NRG3: variants seen among roughly 807,000 people sequenced by gnomAD.
NRG3 encodes pro-neuregulin-3, membrane-bound isoform.
Under a neutral mutation model 66.9 loss-of-function variants are expected in NRG3, and 31 were observed. That is an observed-to-expected ratio of 0.46 (90% CI 0.35 to 0.63). The LOEUF is 0.63. Ranked by LOEUF, NRG3 falls within the 20% of genes least tolerant of loss-of-function variation. The pLI, the probability that NRG3 is intolerant of heterozygous loss-of-function variation, is 0.00. For missense variants in NRG3, 910 were observed against 878.9 expected (o/e 1.04, Z -0.45); for synonymous variants, 393 against 359.4 (o/e 1.09, Z -1.06).
At chr10:82,301,922 G>T (rs2080427276) in intron 1 of NRG3, among the ~76,000 whole-genome samples, 1 of 151,430 alleles carries the variant, frequency 6.6e-6, no homozygotes, top group Non-Finnish European at 1.5e-5. Flanking sequence ...CAAATGGCTT[G>T]GTTCTGTTTA....
intron 2 of NRG3, among the ~76,000 whole-genome samples, chr10:82,441,853 C>T (rs1177987842): frequency 1.3e-5 from 2 of 152,172 alleles, no homozygotes; most frequent in Non-Finnish European, 2.9e-5. Flanking sequence ...TCTTACTAAA[C>T]GTTGAGGATA....
chr10:82,644,880 C>G (rs2050830925), intron 2 of NRG3, among the ~76,000 whole-genome samples: 2 of 152,140 alleles, frequency 1.3e-5, no homozygotes, highest in African/African-American at 4.8e-5. Flanking sequence ...CAGGATGAAG[C>G]CATGGGTTCA....
At chr10:82,279,769 A>G (rs2079038834) in intron 1 of NRG3, among the ~76,000 whole-genome samples, 2 of 152,216 alleles carry the variant, frequency 1.3e-5, no homozygotes, top group African/African-American at 4.8e-5. Flanking sequence ...TTGATGAATT[A>G]TAATTAACCT....
intron 1 of NRG3, among the ~76,000 whole-genome samples, chr10:82,160,617 G>C (rs1419570934): frequency 6.6e-6 from 1 of 151,814 alleles, no homozygotes; most frequent in East Asian, 1.9e-4. Flanking sequence ...ACCCAAGCAA[G>C]AAGAAGAAAT....
At chr10:82,949,684 A>G (rs570322415) in intron 4 of NRG3, among the ~76,000 whole-genome samples, 7 of 152,088 alleles carry the variant, frequency 4.6e-5, no homozygotes, top group Non-Finnish European at 1.0e-4. Flanking sequence ...GTGAAACCTC[A>G]TCTCTACTAA....
chr10:82,450,719 A>T (rs1345528115), intron 2 of NRG3, among the ~76,000 whole-genome samples: 4 of 152,168 alleles, frequency 2.6e-5, no homozygotes, highest in Admixed American at 2.6e-4. Flanking sequence ...ATTAGTGTGG[A>T]TTTAACTTGG....
chr10:82,278,212 T>C (rs1042754552), intron 1 of NRG3, among the ~76,000 whole-genome samples: 1 of 151,738 alleles, frequency 6.6e-6, no homozygotes, highest in South Asian at 2.1e-4. Flanking sequence ...GACTACATAT[T>C]TTTTTTTAAA....
At chr10:82,408,133 A>AAGAAAGAAAGAAAGAAAG (rs1564888538) in intron 2 of NRG3, among the ~76,000 whole-genome samples, 1 of 149,200 alleles carries the variant, frequency 6.7e-6, no homozygotes, top group African/African-American at 2.4e-5. Context: ...GAAAGAAAGA[A>AAGAAAGAAAGAAAGAAAG]AGAAAGAAAG....
intron 1 of NRG3, among the ~76,000 whole-genome samples, chr10:82,161,261 G>C (rs539561831): frequency 1.4e-4 from 21 of 152,222 alleles, no homozygotes; most frequent in African/African-American, 5.1e-4. Context: ...TGGGACTTTA[G>C]TTATCAATCA....
chr10:82,536,787 C>A (rs1847854795), intron 2 of NRG3, among the ~76,000 whole-genome samples: 2 of 151,914 alleles, frequency 1.3e-5, no homozygotes, highest in South Asian at 4.2e-4. Context: ...AGGATGACAT[C>A]AAGGTAACTG....
intron 1 of NRG3, among the ~76,000 whole-genome samples, chr10:81,931,228 G>T (rs1298113132): frequency 6.6e-6 from 1 of 152,158 alleles, no homozygotes; most frequent in Non-Finnish European, 1.5e-5. Flanking sequence ...AGGTCTTTCT[G>T]TTGACCAGCT....
At chr10:82,279,289 C>G (rs1173823265) in intron 1 of NRG3, among the ~76,000 whole-genome samples, 1 of 152,172 alleles carries the variant, frequency 6.6e-6, no homozygotes, top group Non-Finnish European at 1.5e-5. Flanking sequence ...TTCCAGCTCT[C>G]CAGGTTTTTC....
chr10:82,217,450 A>G (rs2075744829), intron 1 of NRG3, among the ~76,000 whole-genome samples: 1 of 152,178 alleles, frequency 6.6e-6, no homozygotes, highest in Non-Finnish European at 1.5e-5. Flanking sequence ...GGTGAGGCCC[A>G]GAATCTGTGT....
chr10:82,876,038 A>G (rs1841790277), intron 4 of NRG3, among the ~76,000 whole-genome samples: 2 of 152,216 alleles, frequency 1.3e-5, no homozygotes, highest in Admixed American at 1.3e-4. Context: ...TGATTTCTAC[A>G]AAGAAGAACA....
chr10:82,709,466 C>T (rs538459968), intron 2 of NRG3, among the ~76,000 whole-genome samples: 14 of 152,100 alleles, frequency 9.2e-5, no homozygotes, highest in South Asian at 4.2e-4. Flanking sequence ...ACTGCAACCT[C>T]GGCTTCCTGG....
intron 1 of NRG3, among the ~76,000 whole-genome samples, chr10:81,926,835 C>T (rs759672556): frequency 8.5e-5 from 13 of 152,108 alleles, no homozygotes; most frequent in Non-Finnish European, 1.6e-4. Context: ...TTATTAGTCA[C>T]GTGGCCTTGG....
intron 1 of NRG3, among the ~76,000 whole-genome samples, chr10:81,980,640 C>A (rs1208914205): frequency 6.6e-6 from 1 of 152,144 alleles, no homozygotes; most frequent in Non-Finnish European, 1.5e-5. Context: ...CATTTGCTAG[C>A]TCGAGTGCAA....
chr10:82,032,820 C>A (rs1187149524), intron 1 of NRG3, among the ~76,000 whole-genome samples: 1 of 152,022 alleles, frequency 6.6e-6, no homozygotes, highest in Non-Finnish European at 1.5e-5. Flanking sequence ...ATCTTTTATT[C>A]TCCAAGGCCT....
intron 3 of NRG3, chr10:82,827,092 C>A: frequency 3.1e-6 from 1 of 320,832 alleles, no homozygotes; most frequent in Non-Finnish European, 6.0e-6. Flanking sequence ...GAGAAAAAAG[C>A]TTGAAAAATA....
Sources: allele counts gnomAD v4.1 joint callset (sites outside exome capture counted in the v4.1 genomes callset), GRCh38; gene constraint gnomAD v4.1.1; transcripts MANE v1.5; gene names NCBI Gene and HGNC (gene_info 2026-07-23, HGNC 2026-07-21).